Variants in RP1 observed in about 807,000 individuals in gnomAD.
RP1 encodes the protein RP1 axonemal microtubule associated.
RP1 carries 16 observed loss-of-function variants against 14.8 expected under a neutral mutation model. That is an observed-to-expected ratio of 1.08 (90% CI 0.73 to 1.65). The LOEUF is 1.65. Among genes scored for constraint, RP1 ranks in the 40% most tolerant of loss-of-function variants. The pLI, the probability that RP1 is intolerant of heterozygous loss-of-function variation, is 0.00. For synonymous variants in RP1, 876 were observed against 883.6 expected, an observed-to-expected ratio of 0.99 and a Z score of 0.15; for missense variants, 2,631 against 2,535.0, an observed-to-expected ratio of 1.04 and a Z score of -0.81.
chr8:54,816,944 G>T (rs1259628453), intron 24 of RP1, among the ~76,000 whole-genome samples: 2 of 151,974 alleles, frequency 1.3e-5, no homozygotes, highest in Non-Finnish European at 2.9e-5. Flanking sequence ...TGCTTGCAGT[G>T]CTTTCTCTCC....
rs765437863 is a variant in RP1 at position 54,679,488 on chromosome 8, TCTC to T, written c.1548_1550del (p.Ser517del). ...CTGTATGCCAGGGATAACAGTATCTTCTCTGCGAGTAGGTATCATGTATACACA... is the reference window on the plus strand; with the variant it reads ...CTGTATGCCAGGGATAACAGTATCTTTGCGAGTAGGTATCATGTATACACA... On this transcript the variant is annotated inframe_deletion, in exon 10 of 23. Transcript: ENST00000636932. 8.5e-6 allele frequency: 13 copies of T among 1,535,870 alleles called. No homozygotes were observed. The African/African-American group carries it at 1.4e-4, about 16-fold the overall frequency.
chr8:54,824,969 T>TA (rs201652185), intron 24 of RP1, among the ~76,000 whole-genome samples: 5,306 of 151,626 alleles, frequency 0.035, 191 homozygotes, highest in African/African-American at 0.084. Flanking sequence ...TCTTTTTTTT[T>TA]TTTAATTTAT....
At chr8:54,736,882 G>A (rs193133736) in intron 18 of RP1, among the ~76,000 whole-genome samples, 112 of 152,160 alleles carry the variant, frequency 7.4e-4, no homozygotes, top group African/African-American at 2.6e-3. Context: ...CTGGCCTAGG[G>A]GTTAATGGGC....
Position 54,628,640 on chromosome 8 carries a change from A to T in RP1, c.4758A>T (p.Pro1586=). The change falls in exon 4 of 4, where the codon CCA becomes CCT. Residue 1586 remains proline (P), a synonymous_variant. Transcript: ENST00000220676. ...ATTTAAAAAAATGCATCAAAAGTCC[A>T]GTGACTTCTGATTGGTCAGACTATC... is the stretch of plus-strand genomic sequence containing the variant. ...SPDLKKCIKS[P]VTSDWSDYRP... The T allele has an allele frequency of 1.2e-6, 2 of 1,614,086 alleles. No homozygotes were observed. Among genetic ancestry groups the T allele is most frequent in the Non-Finnish European group, 1.7e-6 (2 of 1,179,954 alleles).
At chr8:54,694,181 A>G (rs936407817) in intron 12 of RP1, among the ~76,000 whole-genome samples, 28 of 152,182 alleles carry the variant, frequency 1.8e-4, no homozygotes, top group Non-Finnish European at 3.4e-4. Flanking sequence ...ACTTGATCAT[A>G]GTGGATAAGC....
At chr8:54,710,015 C>T (rs1400630239) in intron 15 of RP1, among the ~76,000 whole-genome samples, 1 of 152,120 alleles carries the variant, frequency 6.6e-6, no homozygotes, top group East Asian at 1.9e-4. Flanking sequence ...CATCAGGGCC[C>T]CATGTTTTTG....
At chr8:54,654,286 A>T (rs1179038121) in intron 5 of RP1, among the ~76,000 whole-genome samples, 5 of 152,250 alleles carry the variant, frequency 3.3e-5, no homozygotes, top group Non-Finnish European at 1.5e-5. Flanking sequence ...ATTTGAACAG[A>T]ATCACTGATT....
At chr8:54,726,386 C>G in exon 17 of RP1, 1 of 1,532,872 alleles carries the variant, frequency 6.5e-7, no homozygotes, top group Non-Finnish European at 8.7e-7. Context: ...AACACCCAGC[C>G]AAGAAGAAGA....
intron 25 of RP1, among the ~76,000 whole-genome samples, chr8:54,840,573 G>A (rs550108774): frequency 1.2e-4 from 18 of 147,502 alleles, no homozygotes; most frequent in African/African-American, 3.2e-4. Flanking sequence ...TACCTCTATC[G>A]GAGCACATTT....
intron 6 of RP1, among the ~76,000 whole-genome samples, chr8:54,658,977 T>C (rs1049940431): frequency 2.0e-5 from 3 of 152,108 alleles, no homozygotes. Flanking sequence ...TAATTAGTGA[T>C]GTTGAATTTT....
chr8:54,833,796 A>G (rs1498171), intron 24 of RP1, among the ~76,000 whole-genome samples: 46,486 of 151,974 alleles, frequency 0.31, 7,318 homozygotes, highest in South Asian at 0.37. Flanking sequence ...GCATCAAAGT[A>G]TTAATAAGAA....
chr8:54,750,599 T>C (rs2129364285), intron 19 of RP1, among the ~76,000 whole-genome samples: 1 of 67,060 alleles, frequency 1.5e-5, no homozygotes, highest in Admixed American at 1.3e-4. Context: ...ACTCTGTAGC[T>C]AGGATTGTAA....
intron 22 of RP1, among the ~76,000 whole-genome samples, chr8:54,760,819 A>C (rs189648631): frequency 6.6e-6 from 1 of 152,254 alleles, no homozygotes; most frequent in African/African-American, 2.4e-5. Context: ...TCCATCCTCA[A>C]GTTCCAATTC....
At chr8:54,845,073 C>T (rs1259310984) in intron 25 of RP1, among the ~76,000 whole-genome samples, 1 of 152,218 alleles carries the variant, frequency 6.6e-6, no homozygotes, top group African/African-American at 2.4e-5. Flanking sequence ...GTCCACTCCA[C>T]TAACACATAT....
At chr8:54,817,427 G>A (rs1011921608) in intron 24 of RP1, among the ~76,000 whole-genome samples, 8 of 152,194 alleles carry the variant, frequency 5.3e-5, no homozygotes, top group Non-Finnish European at 1.0e-4. Flanking sequence ...GTGAGCCAGG[G>A]GAATGTTAGG....
intron 3 of RP1, among the ~76,000 whole-genome samples, chr8:54,622,621 C>T (rs1051483297): frequency 5.3e-5 from 8 of 152,142 alleles, no homozygotes; most frequent in East Asian, 1.9e-4. Flanking sequence ...CTGGTAGTTG[C>T]GGAGTTTTCT....
At chr8:54,786,163 G>T (rs1244587108) in intron 24 of RP1, among the ~76,000 whole-genome samples, 1 of 151,930 alleles carries the variant, frequency 6.6e-6, no homozygotes, top group African/African-American at 2.4e-5. Context: ...GTTCCCTTTG[G>T]CATTTCTTGT....
intron 14 of RP1, among the ~76,000 whole-genome samples, chr8:54,705,316 G>A (rs1241274651): frequency 6.6e-6 from 1 of 152,208 alleles, no homozygotes; most frequent in African/African-American, 2.4e-5. Context: ...TCTAGGAAAA[G>A]CACCAAACAT....
intron 23 of RP1, chr8:54,780,967 T>C: frequency 1.0e-6 from 1 of 983,644 alleles, no homozygotes; most frequent in Non-Finnish European, 1.2e-6. Flanking sequence ...TTTACTTCAT[T>C]GTTGAGAAGA....
Sources: gnomAD v4.1 joint callset for allele counts (sites outside exome capture counted in the v4.1 genomes callset) on GRCh38, gnomAD v4.1.1 for gene constraint, MANE v1.5 for transcripts, NCBI Gene and HGNC (gene_info 2026-07-23, HGNC 2026-07-21) for gene names.